IBTK: variants seen among roughly 807,000 people sequenced by gnomAD.
IBTK encodes inhibitor of Bruton tyrosine kinase, also known as BTK-binding protein.
A neutral mutation model predicts 154.9 loss-of-function variants in IBTK; 83 were observed. The observed-to-expected ratio is 0.54, with a 90% CI of 0.45 to 0.64. IBTK has a LOEUF of 0.64. Among genes scored for constraint, IBTK ranks in the 30% least tolerant of loss-of-function variants. IBTK has a pLI of 0.00. For missense variants in IBTK, 1,332 were observed against 1,584.6 expected, an observed-to-expected ratio of 0.84 and a Z score of 2.71; for synonymous variants, 515 against 536.1, an observed-to-expected ratio of 0.96 and a Z score of 0.54.
intron 5 of IBTK, among the ~76,000 whole-genome samples, chr6:82,226,425 A>T (rs920966966): frequency 1.3e-5 from 2 of 152,176 alleles, no homozygotes; most frequent in African/African-American, 4.8e-5. Context: ...TCTGATAGGT[A>T]ATGTACTAGG....
chr6:82,200,699 T>C lies in IBTK; in HGVS notation c.2800A>G (p.Met934Val). ...SEFYRKMIPA[M>V]DRRVITPYQD... ...TATGGTGTAATGACTCTTCTATCCA[T>C]TGCTGGAATCTGCAGAATTGAAGAT... is the stretch of plus-strand genomic sequence containing the variant. The change falls in exon 20 of 29, where the codon ATG (methionine) becomes GTG (valine). Residue 934 changes from methionine to valine, a missense_variant. Physicochemically the swap from Met to Val is conservative, Grantham distance 21 (BLOSUM62 1). Coordinates refer to ENST00000306270, the MANE Select transcript of IBTK (RefSeq NM_015525.4). 3 of 1,570,200 alleles carry C rather than the reference T, an allele frequency of 1.9e-6. No homozygotes were observed. Among genetic ancestry groups the C allele is most frequent in the Non-Finnish European group, 2.6e-6 (3 of 1,166,552 alleles).
intron 23 of IBTK, among the ~76,000 whole-genome samples, chr6:82,193,098 A>AC (rs1379487638): frequency 2.0e-5 from 3 of 151,302 alleles, no homozygotes; most frequent in African/African-American, 7.3e-5. Flanking sequence ...ACTGTCTCAA[A>AC]AAAAAAAAAA....
At chr6:82,217,764 A>G (rs1316246434) in intron 10 of IBTK, among the ~76,000 whole-genome samples, 196 bp downstream of exon 10, 1 of 152,202 alleles carries the variant, frequency 6.6e-6, no homozygotes, top group African/African-American at 2.4e-5. Context: ...CCAAAGGCTA[A>G]GGATATAGAC....
intron 4 of IBTK, among the ~76,000 whole-genome samples, chr6:82,228,617 C>T (rs4706163): frequency 0.24 from 35,979 of 151,300 alleles, 4,355 homozygotes; most frequent in African/African-American, 0.28. Context: ...ACTTTAAAAA[C>T]CCCAGACTTT....
chr6:82,241,455 T>C (rs1409896739), intron 1 of IBTK, among the ~76,000 whole-genome samples: 4 of 152,120 alleles, frequency 2.6e-5, no homozygotes, highest in African/African-American at 9.7e-5. Context: ...CTTCATCACA[T>C]GAAGAGATGA....
At chr6:82,177,971 C>G (rs546214601) in intron 26 of IBTK, among the ~76,000 whole-genome samples, 2 of 152,236 alleles carry the variant, frequency 1.3e-5, no homozygotes, top group East Asian at 3.9e-4. Flanking sequence ...TATATATACC[C>G]AACACAGGCC....
At position 82,191,118 on chromosome 6, in the gene IBTK, G is replaced by A. The variant is rs1455588147; in HGVS notation, c.3530C>T (p.Thr1177Ile). 8 of 1,602,232 alleles carry A rather than the reference G, an allele frequency of 5.0e-6. No individual in the cohort carries two copies. Among genetic ancestry groups the A allele is most frequent in the Non-Finnish European group, 6.8e-6 (8 of 1,173,370 alleles). ...ENNSGMNSME[T>I]VLFTPSKAPK... ...GGCTTTTGAAGGAGTGAATAAAACTGTTTCCATGCTATTCATTCCTGAATT... is the reference window on the plus strand; with the variant it reads ...GGCTTTTGAAGGAGTGAATAAAACTATTTCCATGCTATTCATTCCTGAATT... The change falls in exon 25 of 29, where the codon ACA becomes ATA. Residue 1177 changes from threonine (T) to isoleucine (I), a missense_variant. Around this residue, in one of 3 missense-constraint regions of IBTK, gnomAD observed 1,134 missense variants for 1,274.7 expected, o/e 0.89. Coordinates refer to ENST00000306270, the MANE Select transcript of IBTK (RefSeq NM_015525.4).
rs559318266 is a variant in IBTK at position 82,243,397 on chromosome 6, A to G, written c.-357-2554T>C. 6.6e-5 allele frequency among the ~76,000 whole-genome samples: 10 copies of G among 152,356 alleles called. No individual in the cohort carries two copies. The East Asian group carries it at 1.7e-3, about 26-fold the overall frequency. ...ACCCACAATCAACCATAGTCCAAAA[A>G]TATTAAATGAAAATTTTGGAAATAA... On this transcript the variant is annotated intron_variant, in intron 1 of 28. Transcript: ENST00000306270.
chr6:82,182,310 C>A, intron 25 of IBTK, among the ~76,000 whole-genome samples: 1 of 151,404 alleles, frequency 6.6e-6, no homozygotes, highest in East Asian at 1.9e-4. Flanking sequence ...AACAAAAGCT[C>A]ATTAAAAATA....
chr6:82,245,008 TACTC>T (rs1771092563), intron 1 of IBTK, among the ~76,000 whole-genome samples: 1 of 152,206 alleles, frequency 6.6e-6, no homozygotes, highest in Admixed American at 6.5e-5. Flanking sequence ...TCATGGATAA[TACTC>T]AGGTGGATGC....
chr6:82,236,324 T>C (rs1770712198), intron 2 of IBTK, among the ~76,000 whole-genome samples: 1 of 152,216 alleles, frequency 6.6e-6, no homozygotes, highest in Non-Finnish European at 1.5e-5. Context: ...ACTCAAAAAA[T>C]ATTTGTTCCA....
intron 21 of IBTK, among the ~76,000 whole-genome samples, chr6:82,199,819 G>C (rs1582207491): frequency 6.6e-6 from 1 of 152,128 alleles, no homozygotes; most frequent in African/African-American, 2.4e-5. Context: ...CAAGAAATGT[G>C]CAACTCTTTC....
chr6:82,186,084 G>A (rs983287730), intron 25 of IBTK, among the ~76,000 whole-genome samples: 2 of 152,024 alleles, frequency 1.3e-5, no homozygotes, highest in Non-Finnish European at 2.9e-5. Flanking sequence ...TTGTTTTGGA[G>A]CACCATGAAC....
At chr6:82,246,234 T>C (rs1443747054) in intron 1 of IBTK, among the ~76,000 whole-genome samples, 1 of 152,126 alleles carries the variant, frequency 6.6e-6, no homozygotes, top group Non-Finnish European at 1.5e-5. Context: ...AATAATTGAA[T>C]TCAAAAGCAG....
At chr6:82,208,777 C>G (rs7746401) in intron 16 of IBTK, among the ~76,000 whole-genome samples, 36,360 of 151,804 alleles carry the variant, frequency 0.24, 4,416 homozygotes, top group African/African-American at 0.28. Flanking sequence ...TTGTTTTAAA[C>G]GACACTTCAT....
At chr6:82,180,175 G>A (rs1362059843) in intron 26 of IBTK, among the ~76,000 whole-genome samples, 2 of 152,110 alleles carry the variant, frequency 1.3e-5, no homozygotes, top group African/African-American at 4.8e-5. Flanking sequence ...AATTATAATT[G>A]TAATTTATAA....
At chr6:82,185,193 A>G (rs945309173) in intron 25 of IBTK, among the ~76,000 whole-genome samples, 1 of 151,426 alleles carries the variant, frequency 6.6e-6, no homozygotes, top group Admixed American at 6.6e-5. Flanking sequence ...AGAAAAAAAA[A>G]AAAAAAAAAA....
intron 23 of IBTK, among the ~76,000 whole-genome samples, chr6:82,192,282 A>T (rs907956541): frequency 1.3e-5 from 2 of 152,212 alleles, no homozygotes; most frequent in Non-Finnish European, 2.9e-5. Flanking sequence ...GGTTAAATGA[A>T]GCTTGAAAAT....
At chr6:82,184,903 T>G (rs1582188157) in intron 25 of IBTK, among the ~76,000 whole-genome samples, 1 of 152,224 alleles carries the variant, frequency 6.6e-6, no homozygotes, top group East Asian at 1.9e-4. Context: ...TTACATCGGC[T>G]GGGCGTGGTG....
Sources: gnomAD v4.1 joint callset for allele counts (sites outside exome capture counted in the v4.1 genomes callset) on GRCh38, gnomAD v4.1.1 for gene constraint, gnomAD v4.1.1 regional missense constraint, MANE v1.5 for transcripts, NCBI Gene and HGNC (gene_info 2026-07-23, HGNC 2026-07-21) for gene names.